Variants in XRCC4 observed in about 807,000 individuals in gnomAD.
The protein encoded by XRCC4 is DNA repair protein XRCC4.
A neutral mutation model predicts 39.1 loss-of-function variants in XRCC4; 28 were observed. The observed-to-expected ratio is 0.72, with a 90% CI of 0.53 to 0.98. The LOEUF (loss-of-function observed/expected upper bound fraction) is 0.98, where lower values mean the gene tolerates loss of function less well. Among genes scored for constraint, XRCC4 ranks in the 50% least tolerant of loss-of-function variants. The pLI is 0.00. For synonymous variants in XRCC4, 123 were observed against 126.4 expected (o/e 0.97, Z 0.18); for missense variants, 350 against 376.4 (o/e 0.93, Z 0.58).
chr5:83,259,558 G>A (rs1006304515), intron 7 of XRCC4, among the ~76,000 whole-genome samples: 17 of 151,980 alleles, frequency 1.1e-4, no homozygotes, highest in African/African-American at 4.1e-4. Flanking sequence ...ACTGCTGATT[G>A]AATGCAGAAG....
downstream of XRCC4, among the ~76,000 whole-genome samples, chr5:83,355,398 C>G (rs1757178748): frequency 1.3e-5 from 2 of 152,196 alleles, no homozygotes; most frequent in East Asian, 3.9e-4. Flanking sequence ...CTTTACCTCT[C>G]TATCCCCAGT....
At chr5:83,135,960 A>G (rs925074035) in intron 3 of XRCC4, among the ~76,000 whole-genome samples, 6 of 151,954 alleles carry the variant, frequency 3.9e-5, no homozygotes, top group Admixed American at 3.9e-4. Flanking sequence ...AAACATTGTG[A>G]ATCTTTTTAT....
chr5:83,309,283 AAAAAAAAAAAAAAATAT>A (rs1488596153), intron 7 of XRCC4, among the ~76,000 whole-genome samples: 7 of 127,176 alleles, frequency 5.5e-5, no homozygotes, highest in South Asian at 2.7e-4. Flanking sequence ...AAAAAAAAAA[AAAAAAAAAAAAAAATAT>A]ATATATATAT....
intron 3 of XRCC4, among the ~76,000 whole-genome samples, chr5:83,147,264 A>G (rs1748497419): frequency 6.6e-6 from 1 of 152,178 alleles, no homozygotes; most frequent in Non-Finnish European, 1.5e-5. Context: ...TCTCTAAGAA[A>G]CAAACAAAAA....
rs761919488 is a variant in XRCC4, at chr5:83,077,628, A to G, written c.-11+13A>G. The stretch of plus-strand genomic sequence containing the variant: ...GAGTCACGGAGAGGTAGGATCCGGA[A>G]GTGGGGCTGCCTCTTTAAATAACAA... On this transcript the variant is annotated intron_variant, in intron 1 of 7. Transcript: ENST00000396027. 2.5e-6 allele frequency: 1 copy of G among 394,522 alleles called. No individual in the cohort carries two copies. The highest frequency in any genetic ancestry group is 4.7e-6 in the Non-Finnish European group (1 of 214,668). 24.4% of individuals were successfully genotyped at this position (394,522 alleles called of 1,614,324 possible).
intron 1 of XRCC4, among the ~76,000 whole-genome samples, chr5:83,085,350 A>G (rs577279244): frequency 1.2e-4 from 19 of 152,304 alleles, no homozygotes; most frequent in African/African-American, 4.1e-4. Flanking sequence ...AAGAAATGTG[A>G]CCCTAGCATT....
intron 7 of XRCC4, among the ~76,000 whole-genome samples, chr5:83,261,462 C>A (rs1489122781): frequency 6.6e-6 from 1 of 151,940 alleles, no homozygotes; most frequent in Non-Finnish European, 1.5e-5. Context: ...GTTTCCTAGG[C>A]CCTTCTGATT....
chr5:83,296,128 C>A (rs1027639965), intron 7 of XRCC4, among the ~76,000 whole-genome samples: 10 of 152,100 alleles, frequency 6.6e-5, no homozygotes, highest in Non-Finnish European at 1.0e-4. Context: ...CCAAATAGCA[C>A]AACCAGAGAT....
At chr5:83,332,588 C>G (rs1016093510) in intron 7 of XRCC4, among the ~76,000 whole-genome samples, 5 of 152,120 alleles carry the variant, frequency 3.3e-5, no homozygotes, top group Admixed American at 6.6e-5. Context: ...ACCTTTTGCA[C>G]TATAAGAGGT....
chr5:83,226,974 T>C (rs1355943620), intron 6 of XRCC4, among the ~76,000 whole-genome samples: 2 of 152,248 alleles, frequency 1.3e-5, no homozygotes, highest in Non-Finnish European at 2.9e-5. Flanking sequence ...TTTCATTACA[T>C]GTATATTAGA....
intron 7 of XRCC4, among the ~76,000 whole-genome samples, chr5:83,342,477 C>T (rs1002811282): frequency 6.6e-6 from 1 of 152,088 alleles, no homozygotes; most frequent in Non-Finnish European, 1.5e-5. Flanking sequence ...GATTTTATTT[C>T]CATCTTCTTC....
At position 83,084,375 on chromosome 5, in the gene XRCC4, A is replaced by G. The variant is rs1580193756; in HGVS notation, c.-11+6760A>G. ...GTGCCTTTTTCTAAGGCATTGGCTGAAATCATTGATCAGGGTTCAATTGCA... is the reference window on the plus strand; with the variant it reads ...GTGCCTTTTTCTAAGGCATTGGCTGGAATCATTGATCAGGGTTCAATTGCA... On this transcript the variant is annotated intron_variant, in intron 1 of 7. Transcript: ENST00000396027. 5.3e-5 allele frequency among the ~76,000 whole-genome samples: 8 copies of G among 152,358 alleles called. 1 individual carries two copies. The Middle Eastern group carries it at 0.024, about 453-fold the overall frequency.
intron 6 of XRCC4, among the ~76,000 whole-genome samples, chr5:83,218,984 C>T (rs1751978692): frequency 6.6e-6 from 1 of 152,076 alleles, no homozygotes; most frequent in South Asian, 2.1e-4. Context: ...TATTTACTCA[C>T]ATTCTGGAGG....
chr5:83,358,159 A>C (rs1757210822), downstream of XRCC4, among the ~76,000 whole-genome samples: 2 of 152,158 alleles, frequency 1.3e-5, no homozygotes, highest in Non-Finnish European at 2.9e-5. Context: ...CTATGAACTA[A>C]CCTAAAGTGG....
At chr5:83,140,593 G>A (rs1748123442) in intron 3 of XRCC4, among the ~76,000 whole-genome samples, 3 of 152,078 alleles carry the variant, frequency 2.0e-5, no homozygotes, top group Admixed American at 2.0e-4. Context: ...AAGTTGACAC[G>A]TAATATTAAT....
At chr5:83,093,341 T>C (rs1745519665) in intron 1 of XRCC4, among the ~76,000 whole-genome samples, 1 of 152,178 alleles carries the variant, frequency 6.6e-6, no homozygotes, top group African/African-American at 2.4e-5. Context: ...TGTACAGAGA[T>C]AGACTGTAAT....
At chr5:83,215,907 A>C (rs1302884653) in intron 6 of XRCC4, among the ~76,000 whole-genome samples, 1 of 152,190 alleles carries the variant, frequency 6.6e-6, no homozygotes, top group Non-Finnish European at 1.5e-5. Context: ...TTAGGCAAAG[A>C]GTTCTCAACT....
At chr5:83,179,657 T>C (rs1750121264) in intron 3 of XRCC4, among the ~76,000 whole-genome samples, 1 of 152,156 alleles carries the variant, frequency 6.6e-6, no homozygotes, top group Non-Finnish European at 1.5e-5. Context: ...ACTTACCCTC[T>C]ACCAGTTTGC....
intron 6 of XRCC4, among the ~76,000 whole-genome samples, chr5:83,247,654 T>C (rs1196119972): frequency 6.6e-6 from 1 of 152,230 alleles, no homozygotes; most frequent in African/African-American, 2.4e-5. Flanking sequence ...TCATGATATG[T>C]TTTAGATAAT....
Sources: allele counts gnomAD v4.1 joint callset (sites outside exome capture counted in the v4.1 genomes callset), GRCh38; gene constraint gnomAD v4.1.1; transcripts MANE v1.5; gene names NCBI Gene and HGNC (gene_info 2026-07-23, HGNC 2026-07-21).